Variants in STEAP1B observed in about 807,000 individuals in gnomAD.
The protein encoded by STEAP1B is STEAP family protein MGC87042.
Under a neutral mutation model 27.9 loss-of-function variants are expected in STEAP1B, and 13 were observed. The ratio of observed to expected loss-of-function variants is 0.47; its 90% CI spans 0.30 to 0.74. The LOEUF is 0.74. Among genes scored for constraint, STEAP1B ranks in the 30% least tolerant of loss-of-function variants. The pLI, the probability that STEAP1B is intolerant of heterozygous loss-of-function variation, is 0.06. For missense variants in STEAP1B, 250 were observed against 298.7 expected, an observed-to-expected ratio of 0.84 and a Z score of 1.20; for synonymous variants, 86 against 107.1, an observed-to-expected ratio of 0.80 and a Z score of 1.22.
In STEAP1B at chr7:22,419,797, G is replaced by A; in HGVS notation, c.*7C>T. ...CTCATTTCCTCTCATGTTACTGGCA[G>A]GATCTGTCACAAGGTCAGGAAGTTG... On this transcript the variant is annotated 3_prime_UTR_variant, in exon 5 of 5. Transcript: ENST00000678116. 2 of 1,549,730 alleles carry A rather than the reference G, an allele frequency of 1.3e-6. No individual in the cohort carries two copies. Among genetic ancestry groups the A allele is most frequent in the Non-Finnish European group, 1.7e-6 (2 of 1,145,912 alleles).
intron 4 of STEAP1B, among the ~76,000 whole-genome samples, chr7:22,445,879 G>A (rs1185420289): frequency 1.3e-5 from 2 of 152,228 alleles, no homozygotes; most frequent in Non-Finnish European, 2.9e-5. Flanking sequence ...CACTTGTGTG[G>A]GGAAGCATGA....
chr7:22,422,481 G>GC (rs1785055801), intron 4 of STEAP1B, among the ~76,000 whole-genome samples: 2 of 150,110 alleles, frequency 1.3e-5, no homozygotes, highest in East Asian at 3.9e-4. Flanking sequence ...AAATAAACTT[G>GC]CTTATTTGTG....
chr7:22,493,717 A>G lies in STEAP1B; in HGVS notation c.204T>C (p.Phe68=), dbSNP rs573747544. 1.6e-4 allele frequency: 266 copies of G among 1,613,984 alleles called. 3 individuals are homozygous for G. The South Asian group carries it at 2.6e-3, about 16-fold the overall frequency. Residue 68 remains phenylalanine (F), a synonymous_variant, in exon 3 of 5, where the codon TTT becomes TTC. Coordinates refer to ENST00000678116, the MANE Select transcript of STEAP1B (RefSeq NM_001382447.1). ...TTTTAATTGGCAAGTGCCACTGTGG[A>G]AAGAGTTCCTGTGCGTGCTGAAGTT... ...PSELQHAQEL[F]PQWHLPIKIA...
intron 4 of STEAP1B, among the ~76,000 whole-genome samples, chr7:22,429,783 A>G (rs1397548960): frequency 2.6e-5 from 4 of 152,158 alleles, no homozygotes; most frequent in Non-Finnish European, 4.4e-5. Flanking sequence ...TGGATGGGGG[A>G]AAAGACTGTA....
intron 4 of STEAP1B, among the ~76,000 whole-genome samples, chr7:22,479,381 AC>A (rs1165165221): frequency 6.6e-6 from 1 of 152,250 alleles, no homozygotes; most frequent in Non-Finnish European, 1.5e-5. Flanking sequence ...ATAGTATTTT[AC>A]AATTTGCAGC....
At chr7:22,454,855 A>ATAAATATAAATATATATATG (rs1785550259) in intron 4 of STEAP1B, among the ~76,000 whole-genome samples, 4 of 69,590 alleles carry the variant, frequency 5.7e-5, no homozygotes, top group East Asian at 8.7e-4. Flanking sequence ...ATATGTATAT[A>ATAAATATAAATATATATATG]TATATATATA....
chr7:22,460,828 TC>T (rs1785665842), intron 4 of STEAP1B, among the ~76,000 whole-genome samples: 2 of 152,160 alleles, frequency 1.3e-5, no homozygotes, highest in Non-Finnish European at 2.9e-5. Context: ...CGAAAAAGCT[TC>T]ACATTTTCAG....
intron 4 of STEAP1B, among the ~76,000 whole-genome samples, chr7:22,442,717 C>T (rs1001723796): frequency 3.9e-5 from 6 of 152,160 alleles, no homozygotes; most frequent in Non-Finnish European, 5.9e-5. Context: ...TTTGGGCTTG[C>T]TGAGTTTGAG....
intron 1 of STEAP1B, among the ~76,000 whole-genome samples, chr7:22,497,486 A>G (rs906420422): frequency 3.9e-5 from 6 of 152,092 alleles, no homozygotes; most frequent in African/African-American, 1.4e-4. Flanking sequence ...GGTTTAAGTT[A>G]GTGTGATTTG....
chr7:22,455,228 A>G (rs1289311671), intron 4 of STEAP1B, among the ~76,000 whole-genome samples: 3 of 152,182 alleles, frequency 2.0e-5, no homozygotes, highest in Non-Finnish European at 4.4e-5. Flanking sequence ...GAGACCATAA[A>G]TCAGGATCTG....
rs201042997 is a variant in STEAP1B, at chr7:22,428,533, G to A, written c.763-8697C>T. On this transcript the variant is annotated intron_variant, in intron 4 of 4. Transcript: ENST00000678116. The stretch of plus-strand genomic sequence containing the variant: ...GAAAGAGAAAGGAGGAAAGATGAAC[G>A]GTCCAACTAACGTCATAAACCTAAT... Among the ~76,000 whole-genome samples, 4 of 151,634 alleles carry A rather than the reference G, an allele frequency of 2.6e-5. No homozygotes were observed. In the South Asian group the frequency reaches 6.3e-4, roughly 24 times the overall value.
intron 4 of STEAP1B, among the ~76,000 whole-genome samples, chr7:22,462,916 T>A (rs553015008): frequency 6.6e-6 from 1 of 152,248 alleles, no homozygotes; most frequent in Non-Finnish European, 1.5e-5. Context: ...TTTTTAATGA[T>A]TGCCCTTCTA....
At chr7:22,427,602 A>G (rs1264155941) in intron 4 of STEAP1B, among the ~76,000 whole-genome samples, 2 of 152,240 alleles carry the variant, frequency 1.3e-5, no homozygotes, top group African/African-American at 4.8e-5. Flanking sequence ...CTAAAGCCGT[A>G]AAAGGCTCAT....
Position 22,430,646 on chromosome 7 carries a change from G to T in STEAP1B, c.763-10810C>A, listed in dbSNP as rs566599654. 7.2e-5 allele frequency among the ~76,000 whole-genome samples: 11 copies of T among 152,294 alleles called. No homozygotes were observed. The South Asian group carries it at 1.9e-3, about 26-fold the overall frequency. On this transcript the variant is annotated intron_variant, in intron 4 of 4. Coordinates refer to ENST00000678116, the MANE Select transcript of STEAP1B (RefSeq NM_001382447.1). ...GCTTGTTTTCGTTAGAGTCATGATG[G>T]CTAATGCTGAGAACACAGCCCCATG...
rs766143114 is a variant in STEAP1B, at chr7:22,493,706, T to C, written c.215A>G (p.His72Arg). The part of the protein sequence containing the change: ...QHAQELFPQW[H>R]LPIKIAAVMA... ...AACAGCAGCTATTTTAATTGGCAAG[T>C]GCCACTGTGGAAAGAGTTCCTGTGC... The change falls in exon 3 of 5, where the codon CAC (histidine) becomes CGC (arginine). Residue 72 changes from histidine (H) to arginine (R), a missense_variant. Physicochemically the swap from His to Arg is conservative, Grantham distance 29. Transcript: ENST00000678116. 1 of 1,614,006 alleles carries C rather than the reference T, an allele frequency of 6.2e-7. No homozygotes were observed. The highest frequency in any genetic ancestry group is 8.5e-7 in the Non-Finnish European group (1 of 1,179,872).
chr7:22,490,489 T>C lies in STEAP1B; in HGVS notation c.762+2076A>G, dbSNP rs1301043515. Among the ~76,000 whole-genome samples the C allele has an allele frequency of 7.9e-5, 12 of 152,334 alleles. No homozygotes were observed. The East Asian group carries it at 9.6e-4, about 12-fold the overall frequency. On this transcript the variant is annotated intron_variant, in intron 4 of 4. Coordinates refer to ENST00000678116, the MANE Select transcript of STEAP1B (RefSeq NM_001382447.1). ...TCCTTTTGAAACCTTTCCTGAGCTT[T>C]CCAAACTCAAAAAAACTCTACCTTC... is the stretch of plus-strand genomic sequence containing the variant.
chr7:22,467,560 T>A (rs960156143), intron 4 of STEAP1B, among the ~76,000 whole-genome samples: 1 of 152,210 alleles, frequency 6.6e-6, no homozygotes, highest in African/African-American at 2.4e-5. Context: ...CAGTGGGAGA[T>A]AATTGAATTT....
Position 22,494,753 on chromosome 7 carries a change from G to T in STEAP1B, c.84+19C>A. 1 of 1,375,594 alleles carries T rather than the reference G, an allele frequency of 7.3e-7. No homozygotes were observed. Among genetic ancestry groups the T allele is most frequent in the Non-Finnish European group, 1.0e-6 (1 of 987,370 alleles). The allele number at this position is 1,375,594 out of a possible 1,614,324, so 85.2% of individuals were successfully genotyped here. On this transcript the variant is annotated intron_variant, in intron 2 of 4. Transcript: ENST00000678116. ...AAGATGTAAATTATTATTTATTATT[G>T]TCATTATTAATATTTTACCAAATAA... is the stretch of plus-strand genomic sequence containing the variant.
At chr7:22,473,342 T>C (rs982400706) in intron 4 of STEAP1B, among the ~76,000 whole-genome samples, 1 of 152,216 alleles carries the variant, frequency 6.6e-6, no homozygotes, top group African/African-American at 2.4e-5. Flanking sequence ...AATTGTTACA[T>C]TTCATCTTAG....
Sources: allele counts gnomAD v4.1 joint callset (sites outside exome capture counted in the v4.1 genomes callset), GRCh38; gene constraint gnomAD v4.1.1; transcripts MANE v1.5; gene names NCBI Gene and HGNC (gene_info 2026-07-23, HGNC 2026-07-21).